Variants in LRRC4C observed in about 807,000 individuals in gnomAD.
LRRC4C encodes leucine rich repeat containing 4C.
LRRC4C carries 5 observed loss-of-function variants against 33.6 expected under a neutral mutation model. The observed-to-expected ratio is 0.15, with a 90% CI of 0.08 to 0.31. The LOEUF (loss-of-function observed/expected upper bound fraction) is 0.31. Among genes scored for constraint, LRRC4C ranks in the 10% least tolerant of loss-of-function variants. LRRC4C has a pLI of 1.00. For missense variants in LRRC4C, 560 were observed against 796.7 expected (o/e 0.70, Z 3.58); for synonymous variants, 329 against 302.0 (o/e 1.09, Z -0.93).
chr11:41,149,454 G>A (rs888067360), intron 1 of LRRC4C, among the ~76,000 whole-genome samples: 2 of 146,944 alleles, frequency 1.4e-5, no homozygotes, highest in African/African-American at 5.0e-5. Context: ...AGCTTGCAGT[G>A]AGCCGAGATC....
chr11:40,513,906 G>A (rs980392838), intron 3 of LRRC4C, among the ~76,000 whole-genome samples: 13 of 152,062 alleles, frequency 8.5e-5, no homozygotes, highest in African/African-American at 3.1e-4. Flanking sequence ...CCAACCAAAT[G>A]AAGTAAAGTA....
chr11:40,117,444 G>GA (rs1190462457), intron 6 of LRRC4C, among the ~76,000 whole-genome samples: 1 of 152,014 alleles, frequency 6.6e-6, no homozygotes, highest in African/African-American at 2.4e-5. Context: ...TTTATTTACA[G>GA]AAAAAAATAG....
At chr11:40,171,690 T>C (rs1312248326) in intron 5 of LRRC4C, among the ~76,000 whole-genome samples, 2 of 152,132 alleles carry the variant, frequency 1.3e-5, no homozygotes, top group Non-Finnish European at 2.9e-5. Flanking sequence ...TTGTGCTTAA[T>C]CTAATTTAAT....
intron 1 of LRRC4C, among the ~76,000 whole-genome samples, chr11:41,384,803 A>C (rs1040083321): frequency 6.7e-6 from 1 of 149,386 alleles, no homozygotes; most frequent in African/African-American, 2.4e-5. Context: ...AAAACTCCCC[A>C]AAAAGTTTGT....
At position 41,044,567 on chromosome 11, in the gene LRRC4C, A is replaced by G. The variant is rs551465473; in HGVS notation, c.-495-110844T>C. Among the ~76,000 whole-genome samples, 22 of 152,242 alleles carry G rather than the reference A, an allele frequency of 1.4e-4. No homozygotes were observed. The South Asian group carries it at 4.4e-3, about 30-fold the overall frequency. On this transcript the variant is annotated intron_variant, in intron 1 of 6. Coordinates refer to ENST00000528697, the MANE Select transcript of LRRC4C (RefSeq NM_001258419.2). The stretch of plus-strand genomic sequence containing the variant: ...GTTAACTGCCATCAAGGAACTTACA[A>G]AGGTCAATGGTGGTGAAAATACACA...
intron 1 of LRRC4C, among the ~76,000 whole-genome samples, chr11:41,235,143 C>T (rs1181367402): frequency 1.3e-5 from 2 of 151,978 alleles, no homozygotes; most frequent in African/African-American, 4.8e-5. Context: ...ACCCCCAAGT[C>T]AGTGAATGGG....
chr11:41,144,185 T>C (rs1287095715), intron 1 of LRRC4C, among the ~76,000 whole-genome samples: 1 of 152,150 alleles, frequency 6.6e-6, no homozygotes, highest in South Asian at 2.1e-4. Flanking sequence ...AGATGGAGTA[T>C]AATGGTCAAA....
At chr11:41,034,732 C>T (rs1425636865) in intron 1 of LRRC4C, among the ~76,000 whole-genome samples, 2 of 146,802 alleles carry the variant, frequency 1.4e-5, no homozygotes, top group East Asian at 4.0e-4. Flanking sequence ...TGGAGCATAG[C>T]GGCTATACAG....
At chr11:40,836,391 T>G (rs976831059) in intron 2 of LRRC4C, among the ~76,000 whole-genome samples, 1 of 152,158 alleles carries the variant, frequency 6.6e-6, no homozygotes, top group Non-Finnish European at 1.5e-5. Context: ...ACTTAGATGT[T>G]AAGTATATCA....
chr11:40,343,051 G>A (rs986065642), intron 3 of LRRC4C, among the ~76,000 whole-genome samples: 12 of 151,824 alleles, frequency 7.9e-5, no homozygotes, highest in South Asian at 2.1e-4. Context: ...CTAATGTAAT[G>A]CCTAACACTT....
chr11:40,811,803 A>G (rs1300469706), intron 2 of LRRC4C, among the ~76,000 whole-genome samples: 3 of 152,160 alleles, frequency 2.0e-5, no homozygotes, highest in Non-Finnish European at 4.4e-5. Flanking sequence ...GCCAAATGGC[A>G]TCTACTTTAG....
At chr11:41,195,872 T>C (rs1190502516) in intron 1 of LRRC4C, among the ~76,000 whole-genome samples, 1 of 152,090 alleles carries the variant, frequency 6.6e-6, no homozygotes, top group Non-Finnish European at 1.5e-5. Flanking sequence ...GATGCAAAGT[T>C]GTTTTTGTGC....
intron 3 of LRRC4C, among the ~76,000 whole-genome samples, chr11:40,585,225 G>C (rs116708730): frequency 0.017 from 2,563 of 152,188 alleles, 89 homozygotes; most frequent in African/African-American, 0.058. Flanking sequence ...GAGCATTTCA[G>C]CCTCTCCCTC....
At chr11:41,116,257 G>A (rs75265900) in intron 1 of LRRC4C, among the ~76,000 whole-genome samples, 1 of 152,100 alleles carries the variant, frequency 6.6e-6, no homozygotes, top group African/African-American at 2.4e-5. Context: ...CTTTGGATAA[G>A]CTATGAAGCC....
chr11:40,784,929 G>A (rs1425406795), intron 2 of LRRC4C, among the ~76,000 whole-genome samples: 1 of 151,992 alleles, frequency 6.6e-6, no homozygotes, highest in Admixed American at 6.6e-5. Context: ...TAGAAAGGGA[G>A]GAAGAAAATG....
chr11:40,720,000 T>C (rs1946931740), intron 2 of LRRC4C, among the ~76,000 whole-genome samples: 1 of 152,206 alleles, frequency 6.6e-6, no homozygotes, highest in African/African-American at 2.4e-5. Context: ...AGTGAGTAGT[T>C]TGCCTTTGGT....
intron 1 of LRRC4C, among the ~76,000 whole-genome samples, chr11:41,186,845 A>G (rs1169467492): frequency 6.6e-6 from 1 of 152,174 alleles, no homozygotes; most frequent in Non-Finnish European, 1.5e-5. Flanking sequence ...CTTGTTTCCT[A>G]AGGATTTTCT....
At chr11:41,204,080 T>G (rs545151914) in intron 1 of LRRC4C, among the ~76,000 whole-genome samples, 1 of 152,306 alleles carries the variant, frequency 6.6e-6, no homozygotes, top group Non-Finnish European at 1.5e-5. Flanking sequence ...GAAATAATAT[T>G]TTTGAGTGTC....
At chr11:41,405,322 T>C (rs948221858) in intron 1 of LRRC4C, among the ~76,000 whole-genome samples, 1 of 152,168 alleles carries the variant, frequency 6.6e-6, no homozygotes, top group Non-Finnish European at 1.5e-5. Context: ...AAAATAAGTA[T>C]TCCCATCCAA....
Sources: gnomAD v4.1 joint callset for allele counts (sites outside exome capture counted in the v4.1 genomes callset) on GRCh38, gnomAD v4.1.1 for gene constraint, MANE v1.5 for transcripts, NCBI Gene and HGNC (gene_info 2026-07-23, HGNC 2026-07-21) for gene names.